KCTD16: variants seen among roughly 807,000 people sequenced by gnomAD.
KCTD16 encodes the protein BTB/POZ domain-containing protein KCTD16.
A neutral mutation model predicts 33.2 loss-of-function variants in KCTD16; 13 were observed. The observed-to-expected ratio is 0.39, with a 90% CI of 0.25 to 0.62. The LOEUF (loss-of-function observed/expected upper bound fraction) is 0.62. KCTD16 is among the 20% of genes least tolerant of loss of function. The pLI is 0.50. For missense variants in KCTD16, 441 were observed against 525.1 expected (o/e 0.84, Z 1.57); for synonymous variants, 197 against 195.3 (o/e 1.01, Z -0.07).
At chr5:144,449,481 TC>T (rs1447031140) in intron 3 of KCTD16, among the ~76,000 whole-genome samples, 1 of 151,974 alleles carries the variant, frequency 6.6e-6, no homozygotes, top group Non-Finnish European at 1.5e-5. Context: ...GTATCAGACT[TC>T]CTAGTTTCAA....
At chr5:144,445,205 A>C (rs1580970781) in intron 3 of KCTD16, among the ~76,000 whole-genome samples, 2 of 151,884 alleles carry the variant, frequency 1.3e-5, no homozygotes, top group South Asian at 4.1e-4. Flanking sequence ...TTTTGTGTTT[A>C]TGTGCTCTTC....
At chr5:144,245,018 G>T (rs1169094077) in intron 3 of KCTD16, among the ~76,000 whole-genome samples, 3 of 152,150 alleles carry the variant, frequency 2.0e-5, no homozygotes, top group Non-Finnish European at 4.4e-5. Flanking sequence ...AGAAGACAAT[G>T]ATCAATATTC....
At chr5:144,417,563 C>T (rs771446109) in intron 3 of KCTD16, among the ~76,000 whole-genome samples, 11 of 152,026 alleles carry the variant, frequency 7.2e-5, no homozygotes, top group Non-Finnish European at 1.5e-4. Flanking sequence ...TGTAAATTGT[C>T]ATTTCATTTT....
chr5:144,320,455 AGGT>A (rs1752041782), intron 3 of KCTD16, among the ~76,000 whole-genome samples: 1 of 152,206 alleles, frequency 6.6e-6, no homozygotes, highest in Admixed American at 6.5e-5. Context: ...CCCTGAAATG[AGGT>A]GCCTACCACT....
chr5:144,398,554 G>C (rs986826989), intron 3 of KCTD16, among the ~76,000 whole-genome samples: 6 of 152,118 alleles, frequency 3.9e-5, no homozygotes, highest in Non-Finnish European at 8.8e-5. Context: ...ATGAGCTCTA[G>C]AAATATTAGT....
rs764701556 is a variant in KCTD16, at chr5:144,288,473, C to T, written c.832+80927C>T. Among the ~76,000 whole-genome samples, 12 of 152,208 alleles carry T rather than the reference C, an allele frequency of 7.9e-5. No individual in the cohort carries two copies. In the South Asian group the frequency reaches 2.5e-3, roughly 32 times the overall value. On this transcript the variant is annotated intron_variant, in intron 3 of 3. Transcript: ENST00000512467. ...CTCCTGCTTGCAGGAGTGCTATCAC[C>T]AATGGCATCACCAGATTGCTCCAAC...
intron 3 of KCTD16, among the ~76,000 whole-genome samples, chr5:144,298,637 C>T (rs920209615): frequency 2.5e-4 from 38 of 152,212 alleles, no homozygotes; most frequent in African/African-American, 8.2e-4. Flanking sequence ...ACTGTGTTAG[C>T]ATGTTTAAGG....
At chr5:144,292,949 T>C (rs1157293663) in intron 3 of KCTD16, among the ~76,000 whole-genome samples, 2 of 152,206 alleles carry the variant, frequency 1.3e-5, no homozygotes, top group East Asian at 3.8e-4. Context: ...CATGTTGACC[T>C]CAAGCTGTGA....
At chr5:144,278,928 A>T (rs1352983461) in intron 3 of KCTD16, among the ~76,000 whole-genome samples, 3 of 152,220 alleles carry the variant, frequency 2.0e-5, no homozygotes, top group Admixed American at 6.5e-5. Context: ...TTAAAATTTT[A>T]AAATATTGGT....
chr5:144,229,508 A>G (rs1403176275), intron 3 of KCTD16, among the ~76,000 whole-genome samples: 1 of 152,188 alleles, frequency 6.6e-6, no homozygotes, highest in East Asian at 1.9e-4. Flanking sequence ...AGTTAGGAGT[A>G]CTCAAAGATC....
intron 3 of KCTD16, among the ~76,000 whole-genome samples, chr5:144,332,351 A>T (rs1561570387): frequency 6.6e-6 from 1 of 152,102 alleles, no homozygotes; most frequent in Non-Finnish European, 1.5e-5. Context: ...TGCTGGATAC[A>T]TTGGAAGGGA....
At chr5:144,403,299 T>C (rs1202319674) in intron 3 of KCTD16, among the ~76,000 whole-genome samples, 4 of 152,098 alleles carry the variant, frequency 2.6e-5, no homozygotes, top group Admixed American at 6.5e-5. Context: ...TCTTTGTAGA[T>C]GTAATAAAGT....
chr5:144,419,051 G>C lies in KCTD16; in HGVS notation c.833-54609G>C, dbSNP rs369690598. ...TCTCATTGCTATTATCCTCATTGTA[G>C]TTGGAGGAGTCTTCCTAAAATACAG... On this transcript the variant is annotated intron_variant, in intron 3 of 3. Transcript: ENST00000512467. Among the ~76,000 whole-genome samples, 5 of 152,222 alleles carry C rather than the reference G, an allele frequency of 3.3e-5. No homozygotes were observed. In the East Asian group the frequency reaches 5.8e-4, roughly 18 times the overall value.
At chr5:144,331,041 A>G (rs1752345921) in intron 3 of KCTD16, among the ~76,000 whole-genome samples, 2 of 152,244 alleles carry the variant, frequency 1.3e-5, no homozygotes, top group Non-Finnish European at 2.9e-5. Context: ...AAATAGCCAT[A>G]AACTTTTTCT....
Position 144,304,905 on chromosome 5 carries a change from A to G in KCTD16, c.832+97359A>G, listed in dbSNP as rs556001791. 3.3e-5 allele frequency among the ~76,000 whole-genome samples: 5 copies of G among 152,060 alleles called. No individual in the cohort carries two copies. In the East Asian group the frequency reaches 9.7e-4, roughly 29 times the overall value. On this transcript the variant is annotated intron_variant, in intron 3 of 3. Transcript: ENST00000512467. ...CTTAACCATAACAGGTAGATATCAC[A>G]GAACACTAGGGCCAAAGGCCCTTTT...
At chr5:144,281,303 G>T (rs1387032333) in intron 3 of KCTD16, among the ~76,000 whole-genome samples, 2 of 152,210 alleles carry the variant, frequency 1.3e-5, no homozygotes, top group African/African-American at 4.8e-5. Context: ...ATTTGAGAAT[G>T]TGTTTTGGTT....
Position 144,202,216 on chromosome 5 carries a change from C to T in KCTD16, c.-326-4173C>T, listed in dbSNP as rs1241660983. Among the ~76,000 whole-genome samples the T allele has an allele frequency of 6.6e-5, 10 of 152,194 alleles. No homozygotes were observed. In the East Asian group the frequency reaches 1.7e-3, roughly 26 times the overall value. On this transcript the variant is annotated intron_variant, in intron 2 of 3. Coordinates refer to ENST00000512467, the MANE Select transcript of KCTD16 (RefSeq NM_020768.4). ...GGAGTGCCATCCCACAGTGTTTCAGCGGAGAGCTGCCAAGAGAGAATAATA... is the reference window on the plus strand; with the variant it reads ...GGAGTGCCATCCCACAGTGTTTCAGTGGAGAGCTGCCAAGAGAGAATAATA...
chr5:144,205,524 G>C, intron 2 of KCTD16: 2 of 398,736 alleles, frequency 5.0e-6, no homozygotes, highest in Non-Finnish European at 8.8e-6. Context: ...CTGGGAACAT[G>C]GGAGTCCGTT....
chr5:144,382,243 T>C (rs963599857), intron 3 of KCTD16, among the ~76,000 whole-genome samples: 8 of 152,112 alleles, frequency 5.3e-5, no homozygotes, highest in Non-Finnish European at 1.0e-4. Context: ...AGGTTCTTAC[T>C]TGAAGGATGA....
Sources: gnomAD v4.1 joint callset for allele counts (sites outside exome capture counted in the v4.1 genomes callset) on GRCh38, gnomAD v4.1.1 for gene constraint, MANE v1.5 for transcripts, NCBI Gene and HGNC (gene_info 2026-07-23, HGNC 2026-07-21) for gene names.